The following CDC42BPA variants were observed in gnomAD, a reference collection of about 807,000 sequenced individuals.
CDC42BPA encodes CDC42 binding protein kinase alpha, also known as serine/threonine-protein kinase MRCK alpha.
In CDC42BPA, 80 loss-of-function variants were observed where a neutral mutation model predicts 223.5. The ratio of observed to expected loss-of-function variants is 0.36; its 90% CI spans 0.30 to 0.43. The LOEUF (loss-of-function observed/expected upper bound fraction) is 0.43, where lower values mean the gene tolerates loss of function less well. Among genes scored for constraint, CDC42BPA ranks in the 20% least tolerant of loss-of-function variants. CDC42BPA has a pLI of 1.00. For synonymous variants in CDC42BPA, 694 were observed against 718.6 expected (o/e 0.97, Z 0.55); for missense variants, 1,743 against 2,099.9 (o/e 0.83, Z 3.32).
chr1:227,317,259 A>C lies in CDC42BPA; in HGVS notation c.-77T>G. 1 of 1,473,890 alleles carries C rather than the reference A, an allele frequency of 6.8e-7. No individual in the cohort carries two copies. The highest frequency in any genetic ancestry group is 1.3e-5 in the South Asian group (1 of 76,170). 91.3% of individuals were successfully genotyped at this position (1,473,890 alleles called of 1,614,324 possible). On this transcript the variant is annotated 5_prime_UTR_variant, in exon 1 of 37. Transcript: ENST00000366766. ...CTATTATCTGAACCTAAATTTTAAA[A>C]GGTATGGTTTTAAAAATAAACCACT...
intron 2 of CDC42BPA, among the ~76,000 whole-genome samples, chr1:227,253,469 G>A (rs972122901): frequency 1.3e-5 from 2 of 152,120 alleles, no homozygotes; most frequent in African/African-American, 4.8e-5. Flanking sequence ...GATGGCGGAC[G>A]CCTGTAATCC....
intron 22 of CDC42BPA, among the ~76,000 whole-genome samples, chr1:227,050,956 T>G (rs1673417007): frequency 6.6e-6 from 1 of 152,190 alleles, no homozygotes; most frequent in African/African-American, 2.4e-5. Context: ...GTGTTTATAT[T>G]CTCTGAATGC....
chr1:227,282,922 G>T (rs1399465767), intron 1 of CDC42BPA, among the ~76,000 whole-genome samples: 2 of 152,106 alleles, frequency 1.3e-5, no homozygotes, highest in Non-Finnish European at 2.9e-5. Flanking sequence ...GATCAGGATG[G>T]TTGCACAACA....
At chr1:227,054,650 C>T (rs776265102) in intron 21 of CDC42BPA, among the ~76,000 whole-genome samples, 9 of 152,082 alleles carry the variant, frequency 5.9e-5, no homozygotes, top group Non-Finnish European at 4.4e-5. Flanking sequence ...TTTCTTGAGG[C>T]TTTTAACACA....
chr1:227,206,283 T>G (rs188253342), intron 3 of CDC42BPA, among the ~76,000 whole-genome samples: 32 of 152,306 alleles, frequency 2.1e-4, no homozygotes, highest in African/African-American at 7.5e-4. Context: ...AGTCTGTAAA[T>G]GATGAACTTG....
chr1:227,300,523 C>A (rs1402846436), intron 1 of CDC42BPA, among the ~76,000 whole-genome samples: 2 of 152,034 alleles, frequency 1.3e-5, no homozygotes, highest in Admixed American at 1.3e-4. Flanking sequence ...TCTTTTGCAA[C>A]AACTTGGATG....
intron 2 of CDC42BPA, among the ~76,000 whole-genome samples, chr1:227,232,189 CT>C (rs1291085130): frequency 1.3e-5 from 2 of 152,270 alleles, no homozygotes; most frequent in South Asian, 4.1e-4. Flanking sequence ...CCAGTTTCAG[CT>C]TTTTACATAT....
At chr1:227,234,866 C>G (rs932270469) in intron 2 of CDC42BPA, 1 of 152,214 alleles carries the variant, frequency 6.6e-6, no homozygotes, top group African/African-American at 2.4e-5. Flanking sequence ...TGAATATGAC[C>G]CAACACAAAT....
At chr1:227,035,156 A>T (rs568774865) in intron 25 of CDC42BPA, among the ~76,000 whole-genome samples, 15 of 152,278 alleles carry the variant, frequency 9.9e-5, no homozygotes, top group Middle Eastern at 3.4e-3. Context: ...AGATAACAAG[A>T]CTATGCCTTA....
chr1:227,240,392 A>T (rs1679811933), intron 2 of CDC42BPA, among the ~76,000 whole-genome samples: 2 of 152,112 alleles, frequency 1.3e-5, no homozygotes, highest in Admixed American at 6.5e-5. Flanking sequence ...TTACATCAGT[A>T]GGCTTTTATA....
chr1:227,025,664 C>T (rs866007198), intron 31 of CDC42BPA, among the ~76,000 whole-genome samples: 7 of 152,056 alleles, frequency 4.6e-5, no homozygotes, highest in South Asian at 2.1e-4. Flanking sequence ...AATTACTTTT[C>T]TAGCCTTTTA....
chr1:227,317,229 T>G lies in CDC42BPA; in HGVS notation c.-47A>C. 6.4e-7 allele frequency: 1 copy of G among 1,558,688 alleles called. No homozygotes were observed. The highest frequency in any genetic ancestry group is 8.7e-7 in the Non-Finnish European group (1 of 1,150,460). ...TTTTCCTTTAAATTATTATGATGAC[T>G]TTTACTATTATCTGAACCTAAATTT... On this transcript the variant is annotated 5_prime_UTR_variant, in exon 1 of 37. Transcript: ENST00000366766.
chr1:227,266,417 C>T (rs1685009192), intron 1 of CDC42BPA, among the ~76,000 whole-genome samples: 1 of 152,176 alleles, frequency 6.6e-6, no homozygotes, highest in Non-Finnish European at 1.5e-5. Context: ...GGCAATCTAA[C>T]ACTGACACTG....
rs66527313 is a variant in CDC42BPA, at chr1:227,060,030, G to GTTTTTTTTTTT, written c.2905-8056_2905-8046dup. Among the ~76,000 whole-genome samples, 7 of 117,670 alleles carry GTTTTTTTTTTT rather than the reference G, an allele frequency of 5.9e-5. 1 individual carries two copies. Among genetic ancestry groups the GTTTTTTTTTTT allele is most frequent in the East Asian group, 2.6e-4 (1 of 3,894 alleles). 77.2% of individuals were successfully genotyped at this position (117,670 alleles called of 152,430 possible). A position where few individuals can be genotyped will look rare whatever the true frequency, so the allele number is the denominator to read the frequency against. ...CAATTATCTCAAAAAGTTTTTTTTT[G>GTTTTTTTTTTT]TTTTTTTTTTTTTTTTTTGAGACGG... On this transcript the variant is annotated intron_variant, in intron 21 of 36. Transcript: ENST00000366766.
intron 34 of CDC42BPA, among the ~76,000 whole-genome samples, chr1:227,014,164 T>A (rs1665759147): frequency 6.6e-6 from 1 of 151,756 alleles, no homozygotes; most frequent in African/African-American, 2.4e-5. Flanking sequence ...GAGATCTCAC[T>A]CCCAGAAAAA....
rs971771397 is a variant in CDC42BPA, at chr1:227,059,460, T to C, written c.2905-7475A>G. 4.1e-6 allele frequency: 6 copies of C among 1,471,352 alleles called. No homozygotes were observed. The South Asian group carries it at 7.3e-5, about 18-fold the overall frequency. 91.1% of individuals were successfully genotyped at this position (1,471,352 alleles called of 1,614,324 possible). On this transcript the variant is annotated intron_variant, in intron 21 of 36. Coordinates refer to ENST00000366766, the MANE Select transcript of CDC42BPA (RefSeq NM_001394014.1). ...GACATGTTACAAATATTTACACACA[T>C]AAGACTCTCAAGGACTACTATTGTA...
chr1:227,216,864 A>G (rs187619082), intron 2 of CDC42BPA, among the ~76,000 whole-genome samples: 1 of 152,348 alleles, frequency 6.6e-6, no homozygotes, highest in African/African-American at 2.4e-5. Context: ...ACTTCATAGT[A>G]AAAACATGAT....
chr1:227,195,218 A>G (rs1351249157), intron 4 of CDC42BPA, among the ~76,000 whole-genome samples: 1 of 152,156 alleles, frequency 6.6e-6, no homozygotes, highest in Admixed American at 6.5e-5. Flanking sequence ...GTTTTGAGAC[A>G]GAGTCTTGCT....
chr1:227,014,406 T>C (rs1370628588), intron 34 of CDC42BPA, among the ~76,000 whole-genome samples: 1 of 152,074 alleles, frequency 6.6e-6, no homozygotes, highest in Non-Finnish European at 1.5e-5. Context: ...TATGAATATA[T>C]AATAATATTT....
Sources: allele counts gnomAD v4.1 joint callset (sites outside exome capture counted in the v4.1 genomes callset), GRCh38; gene constraint gnomAD v4.1.1; transcripts MANE v1.5; gene names NCBI Gene and HGNC (gene_info 2026-07-23, HGNC 2026-07-21).